The following NCOA1 variants were observed in gnomAD, a reference collection of about 807,000 sequenced individuals.
NCOA1 encodes the protein Hin-2 protein.
In NCOA1, 35 loss-of-function variants were observed where a neutral mutation model predicts 150.9. The ratio of observed to expected loss-of-function variants is 0.23; its 90% CI spans 0.18 to 0.31. The LOEUF (loss-of-function observed/expected upper bound fraction) is 0.31, where lower values mean the gene tolerates loss of function less well. Ranked by LOEUF, NCOA1 falls within the 10% of genes least tolerant of loss-of-function variation. The pLI, the probability that NCOA1 is intolerant of heterozygous loss-of-function variation, is 1.00. For synonymous variants in NCOA1, 590 were observed against 630.0 expected (o/e 0.94, Z 0.95); for missense variants, 1,491 against 1,749.3 (o/e 0.85, Z 2.63).
chr2:24,514,795 G>A (rs1452249205), intron 1 of NCOA1, among the ~76,000 whole-genome samples: 1 of 152,060 alleles, frequency 6.6e-6, no homozygotes, highest in Non-Finnish European at 1.5e-5. Context: ...AGAAAAAAAA[G>A]TAAACGTATA....
At chr2:24,576,346 G>A (rs1666988433) in intron 2 of NCOA1, among the ~76,000 whole-genome samples, 1 of 151,832 alleles carries the variant, frequency 6.6e-6, no homozygotes, top group South Asian at 2.1e-4. Flanking sequence ...AATTCTGGCT[G>A]CCTTGGCCCC....
chr2:24,760,040 A>G (rs1383011625), intron 21 of NCOA1, among the ~76,000 whole-genome samples: 2 of 151,552 alleles, frequency 1.3e-5, no homozygotes, highest in Non-Finnish European at 2.9e-5. Flanking sequence ...ATTTACCCAC[A>G]TAGTCACCAC....
intron 3 of NCOA1, among the ~76,000 whole-genome samples, chr2:24,629,910 C>CCT (rs1669626742): frequency 6.8e-6 from 1 of 146,816 alleles, no homozygotes; most frequent in Non-Finnish European, 1.5e-5. Context: ...GTGGCGTGAT[C>CCT]TCGGCTCACT....
intron 19 of NCOA1, among the ~76,000 whole-genome samples, chr2:24,751,028 C>G (rs1208576911): frequency 6.7e-6 from 1 of 149,958 alleles, no homozygotes; most frequent in African/African-American, 2.5e-5. Flanking sequence ...TGCTCTGTCA[C>G]CCAGGGTGGT....
chr2:24,624,121 G>T lies in NCOA1; in HGVS notation c.-174-19845G>T, dbSNP rs547911033. On this transcript the variant is annotated intron_variant, in intron 3 of 22. Transcript: ENST00000348332. The stretch of plus-strand genomic sequence containing the variant: ...TGCCTTCTCATAAACCGAGGCTATA[G>T]TACCCAATTGTATTCTTGGTTATTT... Among the ~76,000 whole-genome samples the T allele has an allele frequency of 3.3e-5, 5 of 152,186 alleles. No homozygotes were observed. In the East Asian group the frequency reaches 5.8e-4, roughly 18 times the overall value.
At chr2:24,576,972 A>C (rs1006547610) in intron 2 of NCOA1, among the ~76,000 whole-genome samples, 2 of 152,122 alleles carry the variant, frequency 1.3e-5, no homozygotes, top group African/African-American at 4.8e-5. Context: ...ATTAAGACCC[A>C]TACTTATTTG....
chr2:24,705,984 A>G (rs1673404053), intron 12 of NCOA1, among the ~76,000 whole-genome samples: 1 of 152,114 alleles, frequency 6.6e-6, no homozygotes, highest in Admixed American at 6.5e-5. Context: ...TGTGAGTGGA[A>G]TTAGCACAGT....
chr2:24,577,132 A>G (rs1410594331), intron 2 of NCOA1, among the ~76,000 whole-genome samples: 1 of 152,120 alleles, frequency 6.6e-6, no homozygotes, highest in Non-Finnish European at 1.5e-5. Context: ...TCTGCATCAC[A>G]GTAATGTTTA....
chr2:24,698,785 A>G (rs1673019353), intron 11 of NCOA1, among the ~76,000 whole-genome samples: 1 of 152,124 alleles, frequency 6.6e-6, no homozygotes, highest in Admixed American at 6.5e-5. Flanking sequence ...TTCCCATAAC[A>G]TTAGATTTCC....
intron 1 of NCOA1, among the ~76,000 whole-genome samples, chr2:24,520,420 A>G (rs1664371433): frequency 6.6e-6 from 1 of 152,228 alleles, no homozygotes; most frequent in Admixed American, 6.5e-5. Context: ...ATCAATAAAA[A>G]TGAAATAACC....
At chr2:24,754,492 G>T (rs1364569301) in intron 20 of NCOA1, among the ~76,000 whole-genome samples, 3 of 152,126 alleles carry the variant, frequency 2.0e-5, no homozygotes, top group Admixed American at 6.5e-5. Context: ...CTCTCTGCTG[G>T]AATGTTCTTC....
rs368538511 is a variant in NCOA1, at chr2:24,673,342, T to C, written c.257-24T>C. On this transcript the variant is annotated intron_variant, in intron 6 of 22. Transcript: ENST00000348332. ...AAATAAGCTCTTTTCAGATATGTGA[T>C]TTTTTTAAGTTTCTTTATTATAGAG... The C allele has an allele frequency of 1.3e-5, 19 of 1,469,702 alleles. No homozygotes were observed. In the African/African-American group the frequency reaches 2.8e-4, roughly 21 times the overall value. 91.0% of individuals were successfully genotyped at this position (1,469,702 alleles called of 1,614,324 possible).
intron 17 of NCOA1, 57 bp from the exon 18 acceptor site, chr2:24,739,375 A>C: frequency 8.3e-7 from 1 of 1,206,250 alleles, no homozygotes; most frequent in African/African-American, 1.5e-5. Flanking sequence ...TTACTTTATA[A>C]GGCCCGTGTT....
chr2:24,586,097 A>G (rs955103962), intron 3 of NCOA1, among the ~76,000 whole-genome samples: 2 of 151,872 alleles, frequency 1.3e-5, no homozygotes, highest in African/African-American at 4.8e-5. Context: ...CAACATGGAA[A>G]AAACCCGCCT....
intron 1 of NCOA1, among the ~76,000 whole-genome samples, chr2:24,548,349 CCTG>C (rs1330319376): frequency 6.6e-6 from 1 of 152,228 alleles, no homozygotes; most frequent in Non-Finnish European, 1.5e-5. Flanking sequence ...TGGGAAAAGA[CCTG>C]CTCCTGTGAT....
At chr2:24,687,936 T>G (rs1481099506) in intron 8 of NCOA1, among the ~76,000 whole-genome samples, 1 of 152,220 alleles carries the variant, frequency 6.6e-6, no homozygotes, top group East Asian at 1.9e-4. Flanking sequence ...CCCCAGTGTC[T>G]GTTCTTCCCC....
At chr2:24,519,600 G>A (rs563429564) in intron 1 of NCOA1, among the ~76,000 whole-genome samples, 4 of 145,982 alleles carry the variant, frequency 2.7e-5, no homozygotes, top group East Asian at 4.2e-4. Flanking sequence ...CTGGAGGATC[G>A]TTTGAGGCCA....
intron 14 of NCOA1, chr2:24,711,533 T>C (rs1395339651): frequency 6.5e-6 from 1 of 152,838 alleles, no homozygotes; most frequent in Non-Finnish European, 1.5e-5. Flanking sequence ...TATTGATGTT[T>C]TAATGCCTAT....
intron 5 of NCOA1, among the ~76,000 whole-genome samples, chr2:24,660,912 AT>A (rs202093544): frequency 2.9e-4 from 43 of 150,698 alleles, no homozygotes; most frequent in East Asian, 1.8e-3. Context: ...AAAAAAAAAA[AT>A]TGCCAGTTGT....
Sources: gnomAD v4.1 joint callset for allele counts (sites outside exome capture counted in the v4.1 genomes callset) on GRCh38, gnomAD v4.1.1 for gene constraint, MANE v1.5 for transcripts, NCBI Gene and HGNC (gene_info 2026-07-23, HGNC 2026-07-21) for gene names.